The following SV2C variants were observed in gnomAD, a reference collection of about 807,000 sequenced individuals.
SV2C encodes synaptic vesicle glycoprotein 2C.
A neutral mutation model predicts 79.7 loss-of-function variants in SV2C; 49 were observed. The observed-to-expected ratio is 0.61, with a 90% CI of 0.49 to 0.78. The LOEUF (loss-of-function observed/expected upper bound fraction) is 0.78, where lower values mean the gene tolerates loss of function less well. Among genes scored for constraint, SV2C ranks in the 30% least tolerant of loss-of-function variants. SV2C has a pLI of 0.00. For missense variants in SV2C, 833 were observed against 912.9 expected (o/e 0.91, Z 1.13); for synonymous variants, 334 against 333.2 (o/e 1.00, Z -0.03).
intron 9 of SV2C, chr5:76,296,226 G>A (rs1364677688): frequency 5.2e-6 from 1 of 193,054 alleles, no homozygotes; most frequent in East Asian, 1.4e-4. Flanking sequence ...ATGTTGGAGA[G>A]CAACAAAAAT....
At chr5:76,116,602 T>C (rs553426212) in intron 1 of SV2C, among the ~76,000 whole-genome samples, 15 of 152,306 alleles carry the variant, frequency 9.8e-5, no homozygotes, top group African/African-American at 3.4e-4. Flanking sequence ...ACTGACCACA[T>C]TGACTTTGAG....
the SV2C span, among the ~76,000 whole-genome samples, chr5:76,023,696 A>ATATATG: frequency 7.5e-6 from 1 of 132,514 alleles, no homozygotes; most frequent in East Asian, 2.1e-4. Context: ...ATATATATAT[A>ATATATG]TATGTATGTA....
the SV2C span, among the ~76,000 whole-genome samples, chr5:76,076,349 T>C: frequency 7.2e-5 from 11 of 152,194 alleles, no homozygotes; most frequent in Admixed American, 1.3e-4. Flanking sequence ...TAGTTTCCTA[T>C]TGCCTGCACA....
chr5:76,068,849 C>T, the SV2C span, among the ~76,000 whole-genome samples: 1 of 151,958 alleles, frequency 6.6e-6, no homozygotes, highest in African/African-American at 2.4e-5. Context: ...ATACACAGCC[C>T]GACCTAGAGA....
chr5:76,233,243 CTGT>C lies in SV2C; in HGVS notation c.913+23362_913+23364del, dbSNP rs1206462313. ...ACTCATGATTTGGCTCTCTGTTTGT[CTGT>C]TGTTGGTGTATAAGAATGCTTGTGA... On this transcript the variant is annotated intron_variant, in intron 4 of 12. Coordinates refer to ENST00000502798, the MANE Select transcript of SV2C (RefSeq NM_014979.4). 8.1e-5 allele frequency among the ~76,000 whole-genome samples: 9 copies of C among 111,634 alleles called. No homozygotes were observed. The East Asian group carries it at 1.5e-3, about 19-fold the overall frequency. The allele number at this position is 111,634 out of a possible 152,430, so 73.2% of individuals were successfully genotyped here. A position where few individuals can be genotyped will look rare whatever the true frequency, so the allele number is the denominator to read the frequency against.
the SV2C span, among the ~76,000 whole-genome samples, chr5:75,932,214 A>T: frequency 6.6e-6 from 1 of 152,144 alleles, no homozygotes; most frequent in South Asian, 2.1e-4. Context: ...GGAGCCCTAC[A>T]TCCAGGGTCC....
chr5:75,892,769 C>A, the SV2C span, among the ~76,000 whole-genome samples: 2 of 151,956 alleles, frequency 1.3e-5, no homozygotes, highest in African/African-American at 4.8e-5. Context: ...TGATTTTATT[C>A]TTTTTATGGG....
chr5:76,018,217 G>T, the SV2C span, among the ~76,000 whole-genome samples: 5 of 152,084 alleles, frequency 3.3e-5, no homozygotes, highest in African/African-American at 1.2e-4. Context: ...ATTAGTAATG[G>T]TGGACACTGT....
Position 76,298,822 on chromosome 5 carries a change from A to C in SV2C, c.1531A>C (p.Thr511Pro), listed in dbSNP as rs749442800. The C allele has an allele frequency of 6.2e-7, 1 of 1,613,920 alleles. No homozygotes were observed. Among genetic ancestry groups the C allele is most frequent in the Non-Finnish European group, 8.5e-7 (1 of 1,179,850 alleles). ...CATAGGGGTCAAGTTCAAATCTGTA[A>C]CTTTCAAAGACTCTGTTTTTAAGTC... Reference protein sequence around the residue: ...RFIGVKFKSVTFKDSVFKSCT... With the variant: ...RFIGVKFKSVPFKDSVFKSCT... The change falls in exon 10 of 13, where the codon ACT (threonine) becomes CCT (proline). Residue 511 changes from threonine to proline, a missense_variant. Coordinates refer to ENST00000502798, the MANE Select transcript of SV2C (RefSeq NM_014979.4).
chr5:76,068,155 C>G, the SV2C span, among the ~76,000 whole-genome samples: 1 of 152,218 alleles, frequency 6.6e-6, no homozygotes, highest in East Asian at 1.9e-4. Flanking sequence ...GGAATGCCCC[C>G]AGTGTTTGCT....
Position 76,195,010 on chromosome 5 carries a change from C to A in SV2C, c.672C>A (p.Cys224Ter). Reference protein sequence around the residue: ...KVGRKQSLLICMSVNGFFAFL... With the variant: ...KVGRKQSLLI ...GAAGGAAACAGTCTCTTCTGATTTG[C>A]ATGTCTGTCAACGGATTCTTTGCCT... Residue 224 changes from cysteine (C) to a stop codon, truncating the protein, a stop_gained, in exon 3 of 13, where the codon TGC becomes TGA. Transcript: ENST00000502798. LOFTEE classifies it high-confidence loss of function. 1.9e-6 allele frequency: 3 copies of A among 1,614,102 alleles called. No individual in the cohort carries two copies. Among genetic ancestry groups the A allele is most frequent in the Non-Finnish European group, 1.7e-6 (2 of 1,179,960 alleles).
intron 6 of SV2C, among the ~76,000 whole-genome samples, chr5:76,287,579 C>T (rs1424794585): frequency 6.6e-6 from 1 of 152,130 alleles, no homozygotes; most frequent in Non-Finnish European, 1.5e-5. Context: ...TCTGCAGCTA[C>T]ATTCATCCCT....
intron 2 of SV2C, among the ~76,000 whole-genome samples, chr5:76,187,611 T>G (rs1226970552): frequency 6.6e-6 from 1 of 152,178 alleles, no homozygotes; most frequent in South Asian, 2.1e-4. Context: ...TTCTTTGCTT[T>G]TATTTGATTT....
rs1404881649 is a variant in SV2C, at chr5:76,331,883, G to C, written c.*6336G>C. ...TGGCACAGCTCCCTGTGCAGGGCTG[G>C]ATTTCCAATTGCTTTTCAGTGCCTG... On this transcript the variant is annotated 3_prime_UTR_variant, in exon 13 of 13. Coordinates refer to ENST00000502798, the MANE Select transcript of SV2C (RefSeq NM_014979.4). 5 of 152,286 alleles carry C rather than the reference G, an allele frequency of 3.3e-5. No individual in the cohort carries two copies. Among genetic ancestry groups the C allele is most frequent in the Admixed American group, 3.3e-4 (5 of 15,276 alleles). 9.4% of individuals were successfully genotyped at this position (152,286 alleles called of 1,614,324 possible).
the SV2C span, among the ~76,000 whole-genome samples, chr5:75,879,018 G>A: frequency 1.3e-5 from 2 of 152,094 alleles, no homozygotes; most frequent in African/African-American, 4.8e-5. Flanking sequence ...AGTGATGGTG[G>A]ATGTGTCACT....
chr5:76,101,825 A>G (rs1178612235), intron 1 of SV2C, among the ~76,000 whole-genome samples: 1 of 152,146 alleles, frequency 6.6e-6, no homozygotes, highest in Non-Finnish European at 1.5e-5. Flanking sequence ...TTTTTTTGGT[A>G]AATTTATTCA....
chr5:76,294,586 C>T (rs961682102), intron 8 of SV2C, among the ~76,000 whole-genome samples: 4 of 152,224 alleles, frequency 2.6e-5, no homozygotes, highest in African/African-American at 7.2e-5. Flanking sequence ...AGGCGTGAGC[C>T]ACTGTCATTT....
chr5:76,340,900 G>A (rs939328328), intron 12 of SV2C, among the ~76,000 whole-genome samples: 39 of 148,778 alleles, frequency 2.6e-4, no homozygotes, highest in African/African-American at 9.7e-4. Flanking sequence ...ATGAGTCACT[G>A]TGCACCTGGC....
At chr5:75,949,676 C>T in the SV2C span, among the ~76,000 whole-genome samples, 10 of 152,048 alleles carry the variant, frequency 6.6e-5, no homozygotes, top group Admixed American at 2.0e-4. Context: ...TTCTTGTCTG[C>T]CACCATGTAA....
Sources: allele counts gnomAD v4.1 joint callset (sites outside exome capture counted in the v4.1 genomes callset), GRCh38; gene constraint gnomAD v4.1.1; transcripts MANE v1.5; gene names NCBI Gene and HGNC (gene_info 2026-07-23, HGNC 2026-07-21).